Variants in CPM observed in about 807,000 individuals in gnomAD.
The protein encoded by CPM is renal carboxypeptidase.
Under a neutral mutation model 46.4 loss-of-function variants are expected in CPM, and 35 were observed. The observed-to-expected ratio is 0.75, with a 90% CI of 0.58 to 1.00. CPM has a LOEUF of 1.00. Ranked by LOEUF, CPM falls within the 50% of genes least tolerant of loss-of-function variation. The probability of loss-of-function intolerance (pLI) is 0.00; values close to 1 mark genes in which losing one functional copy is unlikely to be tolerated. For missense variants in CPM, 422 were observed against 530.4 expected (o/e 0.80, Z 2.01); for synonymous variants, 195 against 195.3 (o/e 1.00, Z 0.01).
At chr12:68,962,206 A>AC (rs1184483470) in intron 1 of CPM, among the ~76,000 whole-genome samples, 4 of 67,772 alleles carry the variant, frequency 5.9e-5, no homozygotes, top group South Asian at 7.2e-4. Context: ...TCTCAAAAAA[A>AC]AAAAAAAAAA....
At chr12:68,902,158 T>C (rs1407491418) in intron 2 of CPM, among the ~76,000 whole-genome samples, 3 of 152,202 alleles carry the variant, frequency 2.0e-5, no homozygotes, top group African/African-American at 7.2e-5. Flanking sequence ...TTTTTGTTTC[T>C]ATTCATTTTT....
intron 2 of CPM, among the ~76,000 whole-genome samples, chr12:68,911,075 T>C (rs879561467): frequency 3.3e-5 from 5 of 152,230 alleles, no homozygotes; most frequent in Non-Finnish European, 7.3e-5. Flanking sequence ...TGGGCATAAA[T>C]ATGCTAGATG....
chr12:68,856,364 T>C lies in CPM; in HGVS notation c.*73A>G. ...CAGTCAAGGTCCCACTAGAGTGAGT[T>C]AGGGTTGCAGTAACCTGGAGTGAGC... On this transcript the variant is annotated 3_prime_UTR_variant, in exon 9 of 9. Transcript: ENST00000551568. 6.6e-7 allele frequency: 1 copy of C among 1,517,794 alleles called. No individual in the cohort carries two copies. 94.0% of individuals were successfully genotyped at this position (1,517,794 alleles called of 1,614,324 possible). A position where few individuals can be genotyped will look rare whatever the true frequency, so the allele number is the denominator to read the frequency against.
intron 1 of CPM, among the ~76,000 whole-genome samples, chr12:68,944,549 A>G (rs775307303): frequency 6.6e-6 from 1 of 152,122 alleles, no homozygotes; most frequent in Non-Finnish European, 1.5e-5. Context: ...GACTACAGAC[A>G]CATGCCACAA....
intron 2 of CPM, among the ~76,000 whole-genome samples, chr12:68,918,536 C>T (rs1490155161): frequency 6.6e-6 from 1 of 152,124 alleles, no homozygotes; most frequent in Admixed American, 6.5e-5. Context: ...TACACTCAGT[C>T]GAGCACAAAA....
intron 1 of CPM, among the ~76,000 whole-genome samples, chr12:68,948,554 T>TA (rs1376089095): frequency 6.6e-6 from 1 of 152,150 alleles, no homozygotes; most frequent in Non-Finnish European, 1.5e-5. Flanking sequence ...GAGGTCCCTC[T>TA]ACTCCATTTA....
At position 68,851,876 on chromosome 12, in the gene CPM, A is replaced by G. The variant is rs1230273009; in HGVS notation, c.*4561T>C. 2.6e-5 allele frequency: 4 copies of G among 152,186 alleles called. No individual in the cohort carries two copies. Among genetic ancestry groups the G allele is most frequent in the African/African-American group, 7.2e-5 (3 of 41,446 alleles). 9.4% of individuals were successfully genotyped at this position (152,186 alleles called of 1,614,324 possible). On this transcript the variant is annotated 3_prime_UTR_variant, in exon 9 of 9. Coordinates refer to ENST00000551568, the MANE Select transcript of CPM (RefSeq NM_198320.5). Reference sequence around the variant, plus strand: ...TCTCCCCCTTCCCCCTTCTAAAGTCATGAGGAAAATATAAAGGATCTATCA... The same window carrying G: ...TCTCCCCCTTCCCCCTTCTAAAGTCGTGAGGAAAATATAAAGGATCTATCA...
chr12:68,904,094 G>A (rs1289489547), intron 2 of CPM, among the ~76,000 whole-genome samples: 1 of 152,110 alleles, frequency 6.6e-6, no homozygotes, highest in African/African-American at 2.4e-5. Flanking sequence ...TGCCCAGGCT[G>A]GTCCTAAACT....
At chr12:68,926,971 C>T (rs905533484) in intron 2 of CPM, among the ~76,000 whole-genome samples, 32 of 152,288 alleles carry the variant, frequency 2.1e-4, no homozygotes, top group Admixed American at 5.2e-4. Flanking sequence ...CGTTGTTGGA[C>T]ATTTGGGTTG....
At chr12:68,867,987 G>A (rs1885529875) in intron 6 of CPM, among the ~76,000 whole-genome samples, 1 of 152,174 alleles carries the variant, frequency 6.6e-6, no homozygotes, top group African/African-American at 2.4e-5. Context: ...ATTCTTCTGG[G>A]CTCCTCAAGG....
Position 68,894,031 on chromosome 12 carries a change from AG to A in CPM, c.161-8143del, listed in dbSNP as rs966515102. Among the ~76,000 whole-genome samples, 71 of 152,112 alleles carry A rather than the reference AG, an allele frequency of 4.7e-4. 2 individuals are homozygous for A. The highest frequency in any genetic ancestry group is 1.5e-5 in the Non-Finnish European group (1 of 68,012). ...AGGGTGTGGAGCGCTGGTTGTTACC[AG>A]GGACTACCTCATGCTCACCAGTCTT... On this transcript the variant is annotated intron_variant, in intron 2 of 8. Transcript: ENST00000551568.
At chr12:68,954,934 C>T (rs1457667530) in intron 1 of CPM, among the ~76,000 whole-genome samples, 1 of 152,212 alleles carries the variant, frequency 6.6e-6, no homozygotes, top group African/African-American at 2.4e-5. Flanking sequence ...TCTGGTCCAG[C>T]CACAGCCTCA....
intron 2 of CPM, among the ~76,000 whole-genome samples, chr12:68,886,988 T>C (rs1343931169): frequency 6.6e-6 from 1 of 152,074 alleles, no homozygotes; most frequent in Non-Finnish European, 1.5e-5. Flanking sequence ...AAACTGATCT[T>C]CAAAAATATT....
intron 2 of CPM, among the ~76,000 whole-genome samples, chr12:68,893,263 C>T (rs1373799124): frequency 1.3e-5 from 2 of 151,774 alleles, no homozygotes; most frequent in South Asian, 2.1e-4. Context: ...TTTTTCATGG[C>T]AAACCACCTG....
At chr12:68,956,158 C>A (rs1338343354) in intron 1 of CPM, among the ~76,000 whole-genome samples, 1 of 152,150 alleles carries the variant, frequency 6.6e-6, no homozygotes, top group Non-Finnish European at 1.5e-5. Flanking sequence ...CATGTCAGTG[C>A]CTCAGAGCAT....
chr12:68,921,575 T>C (rs1888045525), intron 2 of CPM, among the ~76,000 whole-genome samples: 1 of 152,190 alleles, frequency 6.6e-6, no homozygotes, highest in Non-Finnish European at 1.5e-5. Flanking sequence ...CATTTTAGGC[T>C]AGCCAGTGAA....
intron 2 of CPM, among the ~76,000 whole-genome samples, chr12:68,910,743 CA>C (rs1258263605): frequency 6.6e-6 from 1 of 152,034 alleles, no homozygotes; most frequent in Admixed American, 6.6e-5. Context: ...TGTATCATTT[CA>C]TTTTTTTACT....
rs560338238 is a variant in CPM, at chr12:68,956,087, A to G, written c.-4+7082T>C. Reference sequence around the variant, plus strand: ...TGCTAAGGGGCTCCTGCAGGCCTACACTGCTTTCCATGCTCGTCAGTGCCC... The same window carrying G: ...TGCTAAGGGGCTCCTGCAGGCCTACGCTGCTTTCCATGCTCGTCAGTGCCC... On this transcript the variant is annotated intron_variant, in intron 1 of 8. Transcript: ENST00000546373. 3.9e-5 allele frequency among the ~76,000 whole-genome samples: 6 copies of G among 152,170 alleles called. No individual in the cohort carries two copies. In the South Asian group the frequency reaches 1.0e-3, roughly 26 times the overall value.
chr12:68,951,507 G>A (rs1200959580), intron 1 of CPM, among the ~76,000 whole-genome samples: 1 of 151,900 alleles, frequency 6.6e-6, no homozygotes, highest in African/African-American at 2.4e-5. Flanking sequence ...CCCAGAGGAA[G>A]TGGCATCTAC....
Sources: allele counts gnomAD v4.1 joint callset (sites outside exome capture counted in the v4.1 genomes callset), GRCh38; gene constraint gnomAD v4.1.1; transcripts MANE v1.5; gene names NCBI Gene and HGNC (gene_info 2026-07-23, HGNC 2026-07-21).